Variants in CTIF observed in about 807,000 individuals in gnomAD.
CTIF encodes the protein cap binding complex dependent translation initiation factor.
In CTIF, 21 loss-of-function variants were observed where a neutral mutation model predicts 66.0. That is an observed-to-expected ratio of 0.32 (90% CI 0.23 to 0.46). CTIF has a LOEUF of 0.46. Among genes scored for constraint, CTIF ranks in the 20% least tolerant of loss-of-function variants. The pLI is 1.00. For missense variants in CTIF, 739 were observed against 812.7 expected (o/e 0.91, Z 1.10); for synonymous variants, 345 against 326.4 (o/e 1.06, Z -0.62).
chr18:48,756,610 C>A lies in CTIF; in HGVS notation c.585-1309C>A, dbSNP rs566870457. ...TCTTTCCACTATTTTACAACCTTTGCAGAATTCATGCTTATCTTGTGCTCC... is the reference window on the plus strand; with the variant it reads ...TCTTTCCACTATTTTACAACCTTTGAAGAATTCATGCTTATCTTGTGCTCC... On this transcript the variant is annotated intron_variant, in intron 7 of 11. Transcript: ENST00000256413. Among the ~76,000 whole-genome samples, 616 of 152,256 alleles carry A rather than the reference C, an allele frequency of 4.0e-3. 3 individuals carry two copies. Among genetic ancestry groups the A allele is most frequent in the African/African-American group, 0.01 (434 of 41,540 alleles).
intron 6 of CTIF, among the ~76,000 whole-genome samples, chr18:48,685,619 T>C (rs2091827081): frequency 6.6e-6 from 1 of 152,204 alleles, no homozygotes; most frequent in East Asian, 1.9e-4. Context: ...GATGTTGACA[T>C]TGACCAACTG....
In CTIF at chr18:48,698,674, C is replaced by CT. The variant is rs1278558246; in HGVS notation, c.508-12945_508-12944insT. 2.6e-5 allele frequency among the ~76,000 whole-genome samples: 4 copies of CT among 152,302 alleles called. No homozygotes were observed. In the East Asian group the frequency reaches 7.7e-4, roughly 29 times the overall value. Reference sequence around the variant, plus strand: ...TTTTCTCTCAGCCTTGAATCTTTCCCGATCTTTTCAACCTGGTCATTCTGG... The same window carrying CT: ...TTTTCTCTCAGCCTTGAATCTTTCCCTGATCTTTTCAACCTGGTCATTCTGG... On this transcript the variant is annotated intron_variant, in intron 6 of 11. Transcript: ENST00000256413.
At chr18:48,618,959 T>A (rs1185311983) in intron 1 of CTIF, among the ~76,000 whole-genome samples, 1 of 152,228 alleles carries the variant, frequency 6.6e-6, no homozygotes, top group Non-Finnish European at 1.5e-5. Flanking sequence ...TTCCAGTAGC[T>A]GCACCAGAGC....
rs751496412 is a variant in CTIF at position 48,817,304 on chromosome 18, C to T, written c.1455C>T (p.Phe485=). ...TCATCACCTTCCTGTGCGAGGTCTT[C>T]GGCACCATGCGCAGCAGCACAGGCG... The part of the protein sequence containing the change: ...LGFITFLCEV[F]GTMRSSTGEP... The change falls in exon 10 of 12, where the codon TTC becomes TTT. Residue 485 remains phenylalanine (F), a synonymous_variant. Coordinates refer to ENST00000256413, the MANE Select transcript of CTIF (RefSeq NM_014772.3). 50 of 1,613,820 alleles carry T rather than the reference C, an allele frequency of 3.1e-5. No individual in the cohort carries two copies. Among genetic ancestry groups the T allele is most frequent in the Non-Finnish European group, 3.9e-5 (46 of 1,179,972 alleles).
At chr18:48,763,947 C>G (rs1409575887) in intron 9 of CTIF, among the ~76,000 whole-genome samples, 2 of 152,102 alleles carry the variant, frequency 1.3e-5, no homozygotes, top group African/African-American at 4.8e-5. Flanking sequence ...TGGGACCAGC[C>G]CAAGAGACCT....
chr18:48,817,235 G>A lies in CTIF; in HGVS notation c.1386G>A (p.Val462=), dbSNP rs1421019570. 5 of 1,613,710 alleles carry A rather than the reference G, an allele frequency of 3.1e-6. No individual in the cohort carries two copies. The highest frequency in any genetic ancestry group is 3.4e-6 in the Non-Finnish European group (4 of 1,179,948). The change falls in exon 10 of 12, where the codon GTG becomes GTA. Residue 462 remains valine, a synonymous_variant. Coordinates refer to ENST00000256413, the MANE Select transcript of CTIF (RefSeq NM_014772.3). ...TGCCTCCACAGAAGGACTTCACGGT[G>A]CGCGAGGAGCTGCAGCAGCAGGACG... ...LLNMLQKDFT[V]REELQQQDVE...
chr18:48,540,636 G>A (rs1016636080), intron 1 of CTIF, among the ~76,000 whole-genome samples: 8 of 152,064 alleles, frequency 5.3e-5, no homozygotes, highest in Admixed American at 4.6e-4. Context: ...GTAGAGGGGA[G>A]GGCTGACTGG....
chr18:48,805,486 G>C (rs2068126971), intron 9 of CTIF, among the ~76,000 whole-genome samples: 1 of 152,114 alleles, frequency 6.6e-6, no homozygotes. Context: ...ACACAGGGGA[G>C]ACTCGGGGTT....
intron 9 of CTIF, among the ~76,000 whole-genome samples, chr18:48,778,705 C>A (rs938676578): frequency 6.6e-6 from 1 of 152,082 alleles, no homozygotes; most frequent in Non-Finnish European, 1.5e-5. Context: ...CCTGAGGTGG[C>A]GGTGAGGATG....
intron 10 of CTIF, among the ~76,000 whole-genome samples, chr18:48,818,518 C>G (rs576752043): frequency 6.6e-6 from 1 of 152,182 alleles, no homozygotes; most frequent in South Asian, 2.1e-4. Context: ...GGAGGTTGGC[C>G]GGGTGGAAGG....
intron 10 of CTIF, among the ~76,000 whole-genome samples, chr18:48,833,202 C>CA (rs1568254291): frequency 6.6e-6 from 1 of 152,186 alleles, no homozygotes; most frequent in Non-Finnish European, 1.5e-5. Flanking sequence ...GACTGGAAAG[C>CA]AATTAGATGA....
chr18:48,632,985 T>C (rs2090747927), intron 2 of CTIF, among the ~76,000 whole-genome samples: 1 of 32,050 alleles, frequency 3.1e-5, no homozygotes, highest in Admixed American at 6.8e-4. Context: ...GAGGGTAGGG[T>C]TGCATACGGA....
chr18:48,771,736 A>T (rs549526462), intron 9 of CTIF, among the ~76,000 whole-genome samples: 1 of 151,920 alleles, frequency 6.6e-6, no homozygotes, highest in Admixed American at 6.6e-5. Flanking sequence ...CACCCCCAGC[A>T]CCTCCTCCTC....
chr18:48,767,626 A>AT (rs1477065883), intron 9 of CTIF, among the ~76,000 whole-genome samples: 3 of 152,164 alleles, frequency 2.0e-5, no homozygotes, highest in Non-Finnish European at 4.4e-5. Flanking sequence ...GAAAAAAAAA[A>AT]GTTTGTCTCA....
intron 7 of CTIF, among the ~76,000 whole-genome samples, chr18:48,748,241 C>T (rs930476529): frequency 1.3e-5 from 2 of 152,034 alleles, no homozygotes; most frequent in Non-Finnish European, 2.9e-5. Flanking sequence ...CAACCTCTCC[C>T]AAGGGGGAAA....
chr18:48,786,461 C>A (rs910777307), intron 9 of CTIF, among the ~76,000 whole-genome samples: 2 of 152,220 alleles, frequency 1.3e-5, no homozygotes, highest in Non-Finnish European at 2.9e-5. Context: ...AGTGATCTTT[C>A]TGTATGTCAG....
At chr18:48,810,536 CTA>C in intron 9 of CTIF, among the ~76,000 whole-genome samples, 1 of 152,080 alleles carries the variant, frequency 6.6e-6, no homozygotes, top group Non-Finnish European at 1.5e-5. Context: ...TGTACAATTT[CTA>C]TGTTTTGAAA....
intron 9 of CTIF, among the ~76,000 whole-genome samples, chr18:48,789,559 T>C (rs938641781): frequency 2.6e-5 from 4 of 152,188 alleles, no homozygotes; most frequent in African/African-American, 7.2e-5. Flanking sequence ...TCTAGGGAGA[T>C]ACAGTCAAGT....
chr18:48,805,432 G>A (rs1038900655), intron 9 of CTIF, among the ~76,000 whole-genome samples: 1 of 151,794 alleles, frequency 6.6e-6, no homozygotes, highest in Non-Finnish European at 1.5e-5. Context: ...AGCCTGCCGG[G>A]GGGATTGCAA....
Sources: gnomAD v4.1 joint callset for allele counts (sites outside exome capture counted in the v4.1 genomes callset) on GRCh38, gnomAD v4.1.1 for gene constraint, MANE v1.5 for transcripts, NCBI Gene and HGNC (gene_info 2026-07-23, HGNC 2026-07-21) for gene names.